Variants in SHISA9 observed in about 807,000 individuals in gnomAD.
The protein encoded by SHISA9 is protein shisa-9.
A neutral mutation model predicts 38.0 loss-of-function variants in SHISA9; 13 were observed. The observed-to-expected ratio is 0.34, with a 90% CI of 0.22 to 0.54. The LOEUF is 0.54. SHISA9 is among the 20% of genes least tolerant of loss of function. The pLI, the probability that SHISA9 is intolerant of heterozygous loss-of-function variation, is 0.91. For missense variants in SHISA9, 538 were observed against 575.8 expected (o/e 0.93, Z 0.67); for synonymous variants, 275 against 242.0 (o/e 1.14, Z -1.27).
At chr16:13,069,502 G>A (rs1428327239) in intron 2 of SHISA9, among the ~76,000 whole-genome samples, 1 of 151,932 alleles carries the variant, frequency 6.6e-6, no homozygotes, top group East Asian at 1.9e-4. Flanking sequence ...GCATGCATGT[G>A]TATATGTGTA....
At chr16:13,525,618 T>A in the SHISA9 span, among the ~76,000 whole-genome samples, 1 of 152,232 alleles carries the variant, frequency 6.6e-6, no homozygotes, top group Non-Finnish European at 1.5e-5. Context: ...AAATTAATAC[T>A]TCTTTAAACT....
the SHISA9 span, among the ~76,000 whole-genome samples, chr16:13,428,652 A>T: frequency 1.3e-5 from 2 of 152,204 alleles, no homozygotes; most frequent in Non-Finnish European, 2.9e-5. Flanking sequence ...CTCAGGGAAG[A>T]GAAGTTATTT....
At chr16:13,300,886 T>C in the SHISA9 span, among the ~76,000 whole-genome samples, 2 of 137,870 alleles carry the variant, frequency 1.5e-5, no homozygotes, top group African/African-American at 5.4e-5. Flanking sequence ...CTCTCCCCTT[T>C]CTTTGTCTCT....
At chr16:13,425,919 G>C in the SHISA9 span, among the ~76,000 whole-genome samples, 278 of 152,244 alleles carry the variant, frequency 1.8e-3, no homozygotes, top group African/African-American at 6.3e-3. Flanking sequence ...GATCCTGCAA[G>C]CCTAGATGGA....
intron 2 of SHISA9, among the ~76,000 whole-genome samples, chr16:13,018,362 A>G (rs2072782362): frequency 6.6e-6 from 1 of 152,186 alleles, no homozygotes; most frequent in Admixed American, 6.5e-5. Context: ...AGCTGTCGCA[A>G]TGGCCAGTGA....
chr16:13,473,310 C>T, the SHISA9 span, among the ~76,000 whole-genome samples: 3 of 120,786 alleles, frequency 2.5e-5, no homozygotes, highest in South Asian at 5.5e-4. Flanking sequence ...TTTCTTTGTT[C>T]TTTTTGTTCC....
chr16:13,192,911 GAGA>G (rs1004896704), intron 2 of SHISA9, among the ~76,000 whole-genome samples: 2 of 151,286 alleles, frequency 1.3e-5, no homozygotes, highest in Non-Finnish European at 3.0e-5. Context: ...GGAGGAGGAG[GAGA>G]AGAGGAGGAA....
the SHISA9 span, among the ~76,000 whole-genome samples, chr16:13,550,909 G>A: frequency 1.3e-5 from 2 of 152,106 alleles, no homozygotes; most frequent in East Asian, 1.9e-4. Flanking sequence ...GGATCAAAAG[G>A]TCAGGCGTTC....
At chr16:13,084,069 G>A (rs1271518422) in intron 2 of SHISA9, among the ~76,000 whole-genome samples, 1 of 151,332 alleles carries the variant, frequency 6.6e-6, no homozygotes, top group Non-Finnish European at 1.5e-5. Flanking sequence ...GCCTCTTGCA[G>A]TGAGGTTATT....
the SHISA9 span, among the ~76,000 whole-genome samples, chr16:13,558,333 A>G: frequency 6.6e-6 from 1 of 152,174 alleles, no homozygotes; most frequent in Non-Finnish European, 1.5e-5. Flanking sequence ...CAAAATACAT[A>G]GTTTCAGGCT....
chr16:13,530,031 G>A, the SHISA9 span, among the ~76,000 whole-genome samples: 5 of 152,222 alleles, frequency 3.3e-5, no homozygotes, highest in African/African-American at 1.2e-4. Context: ...GGGTGCAGTG[G>A]CTCACACCTG....
At chr16:13,071,982 C>T (rs940125391) in intron 2 of SHISA9, among the ~76,000 whole-genome samples, 4 of 152,266 alleles carry the variant, frequency 2.6e-5, no homozygotes, top group African/African-American at 4.8e-5. Context: ...CTTCCCAAAT[C>T]GCCTAGGGCC....
chr16:13,278,522 T>C, the SHISA9 span, among the ~76,000 whole-genome samples: 209 of 152,224 alleles, frequency 1.4e-3, 2 homozygotes, highest in Middle Eastern at 0.017. Flanking sequence ...TCTGGCAGGA[T>C]TCTGCTGTGA....
the SHISA9 span, among the ~76,000 whole-genome samples, chr16:13,428,853 C>T: frequency 6.6e-6 from 1 of 151,870 alleles, no homozygotes; most frequent in African/African-American, 2.4e-5. Flanking sequence ...ACAACCTCCG[C>T]CTCCCAGGTT....
chr16:13,164,793 A>G (rs2050622496), intron 2 of SHISA9, among the ~76,000 whole-genome samples: 1 of 151,996 alleles, frequency 6.6e-6, no homozygotes, highest in African/African-American at 2.4e-5. Flanking sequence ...ATATTTGGGC[A>G]TTTTCTGTTA....
the SHISA9 span, among the ~76,000 whole-genome samples, chr16:13,476,557 A>G: frequency 6.6e-6 from 1 of 152,010 alleles, no homozygotes; most frequent in African/African-American, 2.4e-5. Flanking sequence ...TTGAAATTCA[A>G]AGTCAGTCAT....
the SHISA9 span, among the ~76,000 whole-genome samples, chr16:13,441,750 C>T: frequency 6.6e-6 from 1 of 152,146 alleles, no homozygotes; most frequent in Non-Finnish European, 1.5e-5. Context: ...CCTGTCAAAC[C>T]TGGTGCCGTC....
the SHISA9 span, among the ~76,000 whole-genome samples, chr16:13,364,410 A>G: frequency 6.6e-6 from 1 of 152,214 alleles, no homozygotes; most frequent in Non-Finnish European, 1.5e-5. Context: ...GCAACAAGAG[A>G]TATTTTTGCA....
At chr16:13,259,995 T>TTTTC in the SHISA9 span, among the ~76,000 whole-genome samples, 202 of 142,258 alleles carry the variant, frequency 1.4e-3, 2 homozygotes, top group Middle Eastern at 3.7e-3. Context: ...TGGATTTTTC[T>TTTTC]TTTCTTTCTT....
Sources: gnomAD v4.1 joint callset for allele counts (sites outside exome capture counted in the v4.1 genomes callset) on GRCh38, gnomAD v4.1.1 for gene constraint, MANE v1.5 for transcripts, NCBI Gene and HGNC (gene_info 2026-07-23, HGNC 2026-07-21) for gene names.